PAK1: variants seen among roughly 807,000 people sequenced by gnomAD.
PAK1 encodes the protein serine/threonine-protein kinase PAK 1.
Under a neutral mutation model 67.4 loss-of-function variants are expected in PAK1, and 29 were observed. The observed-to-expected ratio is 0.43, with a 90% CI of 0.32 to 0.59. The LOEUF is 0.59. PAK1 is among the 20% of genes least tolerant of loss of function. The pLI, the probability that PAK1 is intolerant of heterozygous loss-of-function variation, is 0.07. For missense variants in PAK1, 337 were observed against 670.7 expected (o/e 0.50, Z 5.50); for synonymous variants, 223 against 237.4 (o/e 0.94, Z 0.56).
the PAK1 span, among the ~76,000 whole-genome samples, chr11:77,498,856 A>T: frequency 1.5e-4 from 23 of 152,012 alleles, no homozygotes; most frequent in African/African-American, 2.9e-4. Context: ...ACACGCCACC[A>T]TGCCAAGCTA....
chr11:77,343,735 C>T, intron 10 of PAK1, 84 bp downstream of exon 10: 1 of 811,560 alleles, frequency 1.2e-6, no homozygotes, highest in South Asian at 1.4e-5. Flanking sequence ...GTTCTGAGGG[C>T]TGGCACTGCC....
chr11:77,461,878 G>A (rs186005024), intron 1 of PAK1, among the ~76,000 whole-genome samples: 20 of 152,214 alleles, frequency 1.3e-4, no homozygotes, highest in Admixed American at 7.8e-4. Context: ...CATTGCCTTC[G>A]ATAATACTAA....
At chr11:77,509,617 G>A in the PAK1 span, among the ~76,000 whole-genome samples, 1 of 152,180 alleles carries the variant, frequency 6.6e-6, no homozygotes, top group Non-Finnish European at 1.5e-5. Context: ...CCCCAATGCT[G>A]GAGGTAGGGC....
At position 77,392,355 on chromosome 11, in the gene PAK1, G is replaced by A. The variant is rs748471279; in HGVS notation, c.166C>T (p.Arg56Ter). The A allele has an allele frequency of 2.5e-6, 4 of 1,600,326 alleles. No homozygotes were observed. Among genetic ancestry groups the A allele is most frequent in the Non-Finnish European group, 3.4e-6 (4 of 1,170,966 alleles). ...CTTTTATCTCCAGGTAAAATGGATC[G>A]GTAAAATCGGTCCTTCTTTTTCTTC... ...EEKKKKDRFY[R>*]SILPGDKTNK... The change falls in exon 2 of 15, where the codon CGA (arginine) becomes TGA (stop). Residue 56 changes from arginine to a stop codon, truncating the protein, a stop_gained. Coordinates refer to ENST00000356341, the MANE Select transcript of PAK1 (RefSeq NM_002576.5). LOFTEE classifies it high-confidence loss of function.
the PAK1 span, among the ~76,000 whole-genome samples, chr11:77,516,823 T>C: frequency 1.7e-5 from 2 of 120,566 alleles, no homozygotes; most frequent in East Asian, 4.7e-4. Flanking sequence ...GGCAACATAG[T>C]GAGACCCCAT....
intron 1 of PAK1, among the ~76,000 whole-genome samples, chr11:77,470,555 G>A (rs1345411748): frequency 6.6e-6 from 1 of 152,138 alleles, no homozygotes; most frequent in Non-Finnish European, 1.5e-5. Flanking sequence ...AAGGAAGCTA[G>A]GAAAGGAGAA....
the PAK1 span, among the ~76,000 whole-genome samples, chr11:77,480,521 GTTTT>G: frequency 8.2e-6 from 1 of 121,312 alleles, no homozygotes; most frequent in African/African-American, 3.3e-5. Flanking sequence ...AACCACCATG[GTTTT>G]TTTTTTTTTT....
chr11:77,391,879 A>G (rs1224191829), intron 2 of PAK1, among the ~76,000 whole-genome samples: 1 of 152,208 alleles, frequency 6.6e-6, no homozygotes, highest in Non-Finnish European at 1.5e-5. Flanking sequence ...GTTACTTGCC[A>G]TTCTTACTGA....
At chr11:77,388,348 CTATTT>C (rs1216216861) in intron 2 of PAK1, among the ~76,000 whole-genome samples, 8 of 152,190 alleles carry the variant, frequency 5.3e-5, no homozygotes, top group African/African-American at 1.4e-4. Context: ...TTATAGGATT[CTATTT>C]TATTTTATTT....
At chr11:77,509,019 C>A in the PAK1 span, among the ~76,000 whole-genome samples, 3 of 145,632 alleles carry the variant, frequency 2.1e-5, no homozygotes, top group African/African-American at 5.0e-5. Flanking sequence ...GCCTGTAATC[C>A]CAACACTTTG....
chr11:77,442,812 A>G (rs1375980382), intron 1 of PAK1, among the ~76,000 whole-genome samples: 2 of 152,176 alleles, frequency 1.3e-5, no homozygotes, highest in Admixed American at 6.5e-5. Flanking sequence ...CATGAAACCA[A>G]AAGTCCAGCC....
At chr11:77,458,075 T>C (rs1354024777) in intron 1 of PAK1, among the ~76,000 whole-genome samples, 1 of 152,202 alleles carries the variant, frequency 6.6e-6, no homozygotes, top group Non-Finnish European at 1.5e-5. Context: ...TAAGCATACA[T>C]AGAGGGGATT....
chr11:77,347,737 T>C (rs1309821246), intron 9 of PAK1, among the ~76,000 whole-genome samples: 1 of 152,186 alleles, frequency 6.6e-6, no homozygotes, highest in Non-Finnish European at 1.5e-5. Flanking sequence ...ATAAAGCAAA[T>C]GCTTTGTGGA....
Position 77,398,423 on chromosome 11 carries a change from T to C in PAK1, c.-21-5882A>G, listed in dbSNP as rs561161652. 6.2e-4 allele frequency among the ~76,000 whole-genome samples: 94 copies of C among 152,362 alleles called. 1 individual carries two copies. In the South Asian group the frequency reaches 6.6e-3, roughly 11 times the overall value. ...ATAATGACCTCCAGTTCCATCCACG[T>C]TGTTGCAAATGACAGGATCTCATTC... On this transcript the variant is annotated intron_variant, in intron 1 of 14. Coordinates refer to ENST00000356341, the MANE Select transcript of PAK1 (RefSeq NM_002576.5).
At chr11:77,490,285 G>T in the PAK1 span, among the ~76,000 whole-genome samples, 4 of 149,550 alleles carry the variant, frequency 2.7e-5, no homozygotes, top group Non-Finnish European at 4.4e-5. Flanking sequence ...GGGAGGTGGG[G>T]GTCAGCCCCC....
intron 1 of PAK1, among the ~76,000 whole-genome samples, chr11:77,451,280 G>GA (rs1555173209): frequency 2.6e-5 from 4 of 152,186 alleles, no homozygotes; most frequent in Non-Finnish European, 5.9e-5. Flanking sequence ...CAGGTAATCA[G>GA]ATCCTCATTC....
At chr11:77,448,845 A>C (rs1956730673) in intron 1 of PAK1, among the ~76,000 whole-genome samples, 1 of 152,220 alleles carries the variant, frequency 6.6e-6, no homozygotes, top group Non-Finnish European at 1.5e-5. Context: ...GAAACTCTTG[A>C]AACTATTTAG....
intron 8 of PAK1, among the ~76,000 whole-genome samples, chr11:77,350,741 T>C (rs1945127005): frequency 6.6e-6 from 1 of 152,162 alleles, no homozygotes; most frequent in Non-Finnish European, 1.5e-5. Context: ...CATCACTCTT[T>C]AGTTGGGACC....
At position 77,392,402 on chromosome 11, in the gene PAK1, G is replaced by C; in HGVS notation, c.119C>G (p.Pro40Arg). The C allele has an allele frequency of 6.2e-7, 1 of 1,614,000 alleles. No homozygotes were observed. Among genetic ancestry groups the C allele is most frequent in the Non-Finnish European group, 8.5e-7 (1 of 1,179,936 alleles). Residue 40 changes from proline (P) to arginine (R), a missense_variant, in exon 2 of 15, where the codon CCT becomes CGT. This residue lies in a region of PAK1 where 43 missense variants were observed against 141.5 expected (regional missense o/e 0.30). Coordinates refer to ENST00000356341, the MANE Select transcript of PAK1 (RefSeq NM_002576.5). ...CTTCTCCTCTGGGTTTGGAGGCAGA[G>C]GTTTAGAACCATGGTTTAGGGTTCC... Reference protein sequence around the residue: ...DAGTLNHGSKPLPPNPEEKKK... With the variant: ...DAGTLNHGSKRLPPNPEEKKK...
Sources: gnomAD v4.1 joint callset for allele counts (sites outside exome capture counted in the v4.1 genomes callset) on GRCh38, gnomAD v4.1.1 for gene constraint, gnomAD v4.1.1 regional missense constraint, MANE v1.5 for transcripts, NCBI Gene and HGNC (gene_info 2026-07-23, HGNC 2026-07-21) for gene names.